ZMAT5: variants seen among roughly 807,000 people sequenced by gnomAD.
ZMAT5 encodes zinc finger matrin-type protein 5.
ZMAT5 carries 23 observed loss-of-function variants against 28.0 expected under a neutral mutation model. That is an observed-to-expected ratio of 0.82 (90% confidence interval 0.59 to 1.16). The LOEUF is 1.16. Ranked by LOEUF, ZMAT5 falls within the 50% of genes most tolerant of loss-of-function variation. The pLI is 0.00. For synonymous variants in ZMAT5, 76 were observed against 84.1 expected (o/e 0.90, Z 0.52); for missense variants, 173 against 212.7 (o/e 0.81, Z 1.16).
chr22:29,735,838 A>G (rs974894357), intron 5 of ZMAT5, among the ~76,000 whole-genome samples: 13 of 152,182 alleles, frequency 8.5e-5, no homozygotes, highest in African/African-American at 1.4e-4. Flanking sequence ...TAGTCCCCCA[A>G]GTCTCAAATT....
At chr22:29,760,231 G>A (rs1380697345) in intron 1 of ZMAT5, among the ~76,000 whole-genome samples, 1 of 151,896 alleles carries the variant, frequency 6.6e-6, no homozygotes, top group Admixed American at 6.6e-5. Context: ...AAATTAGCTG[G>A]GCATGGTGGC....
chr22:29,742,383 C>A (rs372403521), intron 3 of ZMAT5, 35 bp downstream of exon 3: 5 of 1,608,082 alleles, frequency 3.1e-6, no homozygotes, highest in Non-Finnish European at 4.3e-6. Context: ...TATCGCAGGT[C>A]CCCGCAGGGA....
At chr22:29,738,829 C>A (rs2067933453) in intron 4 of ZMAT5, among the ~76,000 whole-genome samples, 1 of 152,000 alleles carries the variant, frequency 6.6e-6, no homozygotes, top group South Asian at 2.1e-4. Context: ...CATGGAGAAA[C>A]CCTGCCTCTA....
chr22:29,756,192 TAA>T (rs2147234371), intron 1 of ZMAT5, among the ~76,000 whole-genome samples: 1 of 152,242 alleles, frequency 6.6e-6, no homozygotes, highest in Non-Finnish European at 1.5e-5. Context: ...AGACCCCAGG[TAA>T]ACAGTAAACC....
chr22:29,735,466 A>T (rs1193501368), intron 5 of ZMAT5, among the ~76,000 whole-genome samples: 1 of 152,188 alleles, frequency 6.6e-6, no homozygotes, highest in African/African-American at 2.4e-5. Flanking sequence ...CAGAACAATC[A>T]TTCCCAAAAC....
intron 1 of ZMAT5, among the ~76,000 whole-genome samples, chr22:29,752,751 C>T (rs559187592): frequency 5.1e-4 from 77 of 152,346 alleles, no homozygotes; most frequent in Non-Finnish European, 8.4e-4. Flanking sequence ...CCATGTTGCC[C>T]AGGTTGGTCT....
intron 1 of ZMAT5, among the ~76,000 whole-genome samples, chr22:29,749,283 T>C (rs531211021): frequency 2.2e-4 from 34 of 151,962 alleles, no homozygotes; most frequent in Admixed American, 1.8e-3. Flanking sequence ...TCTCGCTATG[T>C]TGCAGAGGCT....
At chr22:29,765,727 G>A (rs1332610812) in intron 1 of ZMAT5, among the ~76,000 whole-genome samples, 1 of 152,052 alleles carries the variant, frequency 6.6e-6, no homozygotes, top group African/African-American at 2.4e-5. Flanking sequence ...AATTAGCCAG[G>A]CATGGTGGCA....
intron 4 of ZMAT5, 91 bp from the exon 5 acceptor site, chr22:29,738,532 C>G: frequency 1.7e-6 from 2 of 1,147,916 alleles, no homozygotes; most frequent in Non-Finnish European, 2.5e-6. Context: ...ACTGGTAGGC[C>G]CTGAGCAAGC....
chr22:29,732,810 C>T (rs1035840402), intron 5 of ZMAT5, among the ~76,000 whole-genome samples: 3 of 151,936 alleles, frequency 2.0e-5, no homozygotes, highest in Middle Eastern at 3.4e-3. Flanking sequence ...ATGCAGCCGC[C>T]GCCAAAATTC....
intron 1 of ZMAT5, among the ~76,000 whole-genome samples, chr22:29,761,936 G>T (rs2068161401): frequency 6.6e-6 from 1 of 152,000 alleles, no homozygotes; most frequent in African/African-American, 2.4e-5. Context: ...AATACAGCCT[G>T]TTTTTTTGTT....
rs952620186 is a variant in ZMAT5, at chr22:29,757,836, G to C, written c.-28+9036C>G. ...AGTTCGAGACCAGCCTGACCAACATGGGGAAACCTCGTCTCTACTAAAATA... is the reference window on the plus strand; with the variant it reads ...AGTTCGAGACCAGCCTGACCAACATCGGGAAACCTCGTCTCTACTAAAATA... On this transcript the variant is annotated intron_variant, in intron 1 of 5. Transcript: ENST00000344318. Among the ~76,000 whole-genome samples the C allele has an allele frequency of 1.8e-4, 28 of 152,008 alleles. 1 individual carries two copies. The highest frequency in any genetic ancestry group is 4.8e-5 in the African/African-American group (2 of 41,352).
chr22:29,766,644 G>C (rs747615057), intron 1 of ZMAT5, among the ~76,000 whole-genome samples: 1 of 152,230 alleles, frequency 6.6e-6, no homozygotes, highest in South Asian at 2.1e-4. Flanking sequence ...CCAGGGGTGA[G>C]AGGAACAGGA....
chr22:29,738,750 T>A (rs538834943), intron 4 of ZMAT5, among the ~76,000 whole-genome samples: 1 of 152,114 alleles, frequency 6.6e-6, no homozygotes, highest in South Asian at 2.1e-4. Flanking sequence ...ACGTCTGTAA[T>A]CCCAGCACTT....
At chr22:29,734,963 C>A (rs1486135085) in intron 5 of ZMAT5, among the ~76,000 whole-genome samples, 2 of 152,090 alleles carry the variant, frequency 1.3e-5, no homozygotes, top group Non-Finnish European at 2.9e-5. Flanking sequence ...AGGTGGGAGA[C>A]CAGGGAGGGG....
chr22:29,753,650 C>G (rs949277900), intron 1 of ZMAT5, among the ~76,000 whole-genome samples: 8 of 152,178 alleles, frequency 5.3e-5, no homozygotes, highest in African/African-American at 1.9e-4. Context: ...GATCGAACCA[C>G]TGCTCTCCAG....
chr22:29,742,667 G>A lies in ZMAT5; in HGVS notation c.128-187C>T, dbSNP rs552877624. The stretch of plus-strand genomic sequence containing the variant: ...GTGGGAGTCCTGGGCAGATGGATCC[G>A]AGCTGCAGGTGACCTCAATCCATCC... On this transcript the variant is annotated intron_variant, in intron 2 of 5. Transcript: ENST00000344318. Among the ~76,000 whole-genome samples, 124 of 152,326 alleles carry A rather than the reference G, an allele frequency of 8.1e-4. 1 individual carries two copies. The highest frequency in any genetic ancestry group is 1.5e-3 in the Non-Finnish European group (101 of 68,026).
In ZMAT5 at chr22:29,738,607, C is replaced by T. The variant is rs566958909; in HGVS notation, c.272-166G>A. Among the ~76,000 whole-genome samples the T allele has an allele frequency of 4.5e-3, 687 of 152,178 alleles. 5 individuals carry two copies. Among genetic ancestry groups the T allele is most frequent in the African/African-American group, 0.016 (657 of 41,518 alleles). On this transcript the variant is annotated intron_variant, in intron 4 of 5. Transcript: ENST00000344318. ...ACTGCTTCTCCAGGCCATCTGTGCA[C>T]GAGGGCCCAGCACTCGGCCTCGCTC...
intron 1 of ZMAT5, among the ~76,000 whole-genome samples, chr22:29,752,132 C>T (rs578258213): frequency 3.9e-5 from 6 of 152,094 alleles, no homozygotes; most frequent in Non-Finnish European, 8.8e-5. Flanking sequence ...CCATGAGGGG[C>T]CCCAGCTCAC....
Sources: allele counts gnomAD v4.1 joint callset (sites outside exome capture counted in the v4.1 genomes callset), GRCh38; gene constraint gnomAD v4.1.1; transcripts MANE v1.5; gene names NCBI Gene and HGNC (gene_info 2026-07-23, HGNC 2026-07-21).